DNAAF8: variants seen among roughly 807,000 people sequenced by gnomAD.
DNAAF8 encodes dynein axonemal-associated protein 1.
DNAAF8 carries 61 observed loss-of-function variants against 54.6 expected under a neutral mutation model. The observed-to-expected ratio is 1.12, with a 90% CI of 0.91 to 1.38. The LOEUF is 1.38. Ranked by LOEUF, DNAAF8 falls within the 40% of genes most tolerant of loss-of-function variation. DNAAF8 has a pLI of 0.00. For missense variants in DNAAF8, 837 were observed against 665.0 expected (o/e 1.26, Z -2.85); for synonymous variants, 320 against 270.1 (o/e 1.18, Z -1.81).
At chr16:4,747,107 CGCCTGTGG>C in intron 8 of DNAAF8, 82 bp downstream of exon 8, 1 of 1,372,256 alleles carries the variant, frequency 7.3e-7, no homozygotes, top group Non-Finnish European at 9.8e-7. Context: ...GCACATTTAC[CGCCTGTGG>C]TGAGGTCTTG....
At chr16:4,739,265 G>GTTTTTTTTTTTTTGT (rs2081932035) in intron 3 of DNAAF8, among the ~76,000 whole-genome samples, 2 of 69,030 alleles carry the variant, frequency 2.9e-5, no homozygotes, top group South Asian at 6.4e-4. Flanking sequence ...ATTTTTTCTT[G>GTTTTTTTTTTTTTGT]TTTTTTTTTT....
chr16:4,746,992 C>A lies in DNAAF8; in HGVS notation c.1247C>A (p.Ala416Glu). Reference sequence around the variant, plus strand: ...GAAGAGATGGCAGCTCTGGGAGACGCAGAGGGGGCATCTCCTTCCTCCCTG... The same window carrying A: ...GAAGAGATGGCAGCTCTGGGAGACGAAGAGGGGGCATCTCCTTCCTCCCTG... ...EEEEMAALGD[A>E]EGASPSSLGL... Residue 416 changes from alanine to glutamate, a missense_variant, in exon 8 of 10, where the codon GCA (alanine) becomes GAA (glutamate). Coordinates refer to ENST00000299320, the MANE Select transcript of DNAAF8 (RefSeq NM_139170.3). 2 of 1,541,746 alleles carry A rather than the reference C, an allele frequency of 1.3e-6. No homozygotes were observed. The highest frequency in any genetic ancestry group is 2.4e-5 in the South Asian group (2 of 81,740).
chr16:4,736,364 C>T (rs2081901786), intron 1 of DNAAF8, 100 bp from the exon 2 acceptor site: 2 of 862,536 alleles, frequency 2.3e-6, no homozygotes, highest in Non-Finnish European at 1.6e-6. Flanking sequence ...GGTGGTGAGG[C>T]CTGCCAGCCT....
At chr16:4,738,111 C>CA in intron 3 of DNAAF8, 165 bp downstream of exon 3, 1 of 852,132 alleles carries the variant, frequency 1.2e-6, no homozygotes. Context: ...ATCTAACCTC[C>CA]ACGCACCTCC....
intron 1 of DNAAF8, among the ~76,000 whole-genome samples, chr16:4,736,234 T>A (rs944593273): frequency 1.3e-5 from 2 of 152,154 alleles, no homozygotes; most frequent in Non-Finnish European, 2.9e-5. Flanking sequence ...TATATATCAC[T>A]ATATACATTA....
rs2081904006 is a variant in DNAAF8, at chr16:4,736,558, C to T, written c.44C>T (p.Pro15Leu). 2 of 1,587,896 alleles carry T rather than the reference C, an allele frequency of 1.3e-6. No homozygotes were observed. The highest frequency in any genetic ancestry group is 1.3e-5 in the African/African-American group (1 of 74,466). The change falls in exon 2 of 10, where the codon CCC (proline) becomes CTC (leucine). Residue 15 changes from proline (P) to leucine (L), a missense_variant. By Grantham distance (98) the Pro-to-Leu change is moderately conservative (BLOSUM62 -3). Transcript: ENST00000299320. ...DKGMAPSLGS[P>L]WASQMGPWDA... ...GGCATGGCACCCTCGCTGGGCTCTC[C>T]CTGGGCCTCCCAGATGGGGCCCTGG...
At chr16:4,741,792 G>T (rs775723494) in intron 4 of DNAAF8, among the ~76,000 whole-genome samples, 1 of 152,078 alleles carries the variant, frequency 6.6e-6, no homozygotes, top group Non-Finnish European at 1.5e-5. Flanking sequence ...CAAAAAAAAA[G>T]AAATTGGGAT....
At chr16:4,744,023 G>A (rs142963670) in intron 5 of DNAAF8, among the ~76,000 whole-genome samples, 2,992 of 148,476 alleles carry the variant, frequency 0.02, 35 homozygotes, top group Non-Finnish European at 0.028. Flanking sequence ...TCCACCTCCC[G>A]GGTTCAAGCG....
At position 4,740,652 on chromosome 16, in the gene DNAAF8, C is replaced by T. The variant is rs144741586; in HGVS notation, c.776C>T (p.Ser259Leu). 286 of 1,595,818 alleles carry T rather than the reference C, an allele frequency of 1.8e-4. No individual in the cohort carries two copies. The African/African-American group carries it at 3.3e-3, about 19-fold the overall frequency. Residue 259 changes from serine (S) to leucine (L), a missense_variant, in exon 4 of 10, where the codon TCG becomes TTG. Physicochemically the swap from Ser to Leu is moderately radical, Grantham distance 145. Transcript: ENST00000299320. Reference sequence around the variant, plus strand: ...CCTCCGGAGGGACCACCAGTGCTCTCGCTCCAGGTAGGCGCCTCCCCGTGC... The same window carrying T: ...CCTCCGGAGGGACCACCAGTGCTCTTGCTCCAGGTAGGCGCCTCCCCGTGC... The part of the protein sequence containing the change: ...VEPPEGPPVL[S>L]LQQLEAWDLD...
At chr16:4,746,258 T>C in intron 6 of DNAAF8, 117 bp from the exon 7 acceptor site, 1 of 1,118,656 alleles carries the variant, frequency 8.9e-7, no homozygotes, top group East Asian at 2.4e-5. Context: ...TGCCCGTCTG[T>C]AGAGAGTGGG....
At chr16:4,737,776 A>G (rs1211474234) in intron 2 of DNAAF8, 24 bp from the exon 3 acceptor site, 2 of 1,613,618 alleles carry the variant, frequency 1.2e-6, no homozygotes, top group African/African-American at 2.7e-5. Context: ...CTTGTCCTCC[A>G]AAAGCCCTCT....
At position 4,746,562 on chromosome 16, in the gene DNAAF8, C is replaced by T. The variant is rs77302158; in HGVS notation, c.1181+50C>T. 1.3e-3 allele frequency: 2,034 copies of T among 1,574,872 alleles called. 28 individuals are homozygous for T. The African/African-American group carries it at 0.025, about 19-fold the overall frequency. ...TACCAGCCTCTACTTTGCAGAGTTGCCTGTTGACCGCACAGAGCCTCTGGT... is the reference window on the plus strand; with the variant it reads ...TACCAGCCTCTACTTTGCAGAGTTGTCTGTTGACCGCACAGAGCCTCTGGT... On this transcript the variant is annotated intron_variant, in intron 7 of 9. Transcript: ENST00000299320.
At chr16:4,738,500 C>A (rs2081921646) in intron 3 of DNAAF8, among the ~76,000 whole-genome samples, 2 of 152,222 alleles carry the variant, frequency 1.3e-5, no homozygotes, top group Non-Finnish European at 2.9e-5. Context: ...CTAAGCGTGC[C>A]AACGCAGGCC....
chr16:4,739,695 C>T (rs987356102), intron 3 of DNAAF8, among the ~76,000 whole-genome samples: 2 of 151,446 alleles, frequency 1.3e-5, no homozygotes, highest in Non-Finnish European at 2.9e-5. Context: ...ATTACACGCA[C>T]GCCACTGTGC....
At position 4,744,990 on chromosome 16, in the gene DNAAF8, A is replaced by AAGAGGC; in HGVS notation, c.1026_1031dup (p.Glu342_Ala343dup). 2 of 1,613,550 alleles carry AAGAGGC rather than the reference A, an allele frequency of 1.2e-6. No individual in the cohort carries two copies. The highest frequency in any genetic ancestry group is 1.7e-6 in the Non-Finnish European group (2 of 1,179,588). ...CCTGCCGACACTCCCCAGGACACCA[A>AAGAGGC]AGAGGCAGATTCAGGAAGCAGGTGG... On this transcript the variant is annotated inframe_insertion, in exon 6 of 10. Coordinates refer to ENST00000299320, the MANE Select transcript of DNAAF8 (RefSeq NM_139170.3).
rs138915039 is a variant in DNAAF8 at position 4,736,617 on chromosome 16, C to T, written c.103C>T (p.Pro35Ser). 259 of 1,584,048 alleles carry T rather than the reference C, an allele frequency of 1.6e-4. No homozygotes were observed. Among genetic ancestry groups the T allele is most frequent in the Middle Eastern group, 1.5e-3 (9 of 5,994 alleles). Residue 35 changes from proline to serine, a missense_variant, in exon 2 of 10, where the codon CCG (proline) becomes TCG (serine). Transcript: ENST00000299320. Reference protein sequence around the residue: ...AILKAVKDQLPSLDSDSPLSD... With the variant: ...AILKAVKDQLSSLDSDSPLSD... ...CCTCAAGGCTGTCAAAGACCAGCTC[C>T]CGTCTCTGGACTCAGACTCCCCTTT...
intron 8 of DNAAF8, 131 bp from the exon 9 acceptor site, chr16:4,747,212 T>G: frequency 7.8e-7 from 1 of 1,282,178 alleles, no homozygotes; most frequent in Non-Finnish European, 1.1e-6. Context: ...GCAGCAGTGA[T>G]GGGCTGCCTG....
In DNAAF8 at chr16:4,737,933, A is replaced by T. The variant is rs751908450; in HGVS notation, c.263A>T (p.Glu88Val). The change falls in exon 3 of 10, where the codon GAG becomes GTG. Residue 88 changes from glutamate to valine, a missense_variant. Transcript: ENST00000299320. ...KSRAWVAAAE[E>V]SLPEPVLVPA... ...AGGGCCTGGGTCGCTGCAGCTGAAG[A>T]GTCCCTTCCCGAGGTCTGTGGGACA... is the stretch of plus-strand genomic sequence containing the variant. The T allele has an allele frequency of 6.2e-7, 1 of 1,614,194 alleles. No homozygotes were observed. The highest frequency in any genetic ancestry group is 2.2e-5 in the East Asian group (1 of 44,870).
intron 7 of DNAAF8, 83 bp downstream of exon 7, chr16:4,746,595 G>A (rs150128579): frequency 3.4e-6 from 5 of 1,455,062 alleles, no homozygotes; most frequent in East Asian, 2.3e-5. Flanking sequence ...GGTGGATCCT[G>A]ATGGGGAGGA....
Sources: allele counts gnomAD v4.1 joint callset (sites outside exome capture counted in the v4.1 genomes callset), GRCh38; gene constraint gnomAD v4.1.1; transcripts MANE v1.5; gene names NCBI Gene and HGNC (gene_info 2026-07-23, HGNC 2026-07-21).